The following RIGI variants were observed in gnomAD, a reference collection of about 807,000 sequenced individuals.
RIGI encodes the protein antiviral innate immune response receptor RIG-I.
chr9:32,465,202 A>G, the RIGI span, among the ~76,000 whole-genome samples: 1 of 152,246 alleles, frequency 6.6e-6, no homozygotes, highest in African/African-American at 2.4e-5. Flanking sequence ...TTTCCCTGCA[A>G]TTCTTCTCAC....
At chr9:32,494,048 A>C in the RIGI span, 2 of 866,966 alleles carry the variant, frequency 2.3e-6, no homozygotes. Context: ...TAGAATTCAA[A>C]AAATATCTGT....
the RIGI span, among the ~76,000 whole-genome samples, chr9:32,470,951 T>A: frequency 6.6e-6 from 1 of 152,224 alleles, no homozygotes; most frequent in Non-Finnish European, 1.5e-5. Flanking sequence ...ACCTCAGGGT[T>A]AACAGAATTT....
the RIGI span, among the ~76,000 whole-genome samples, chr9:32,512,693 C>G: frequency 1.3e-5 from 2 of 152,170 alleles, no homozygotes; most frequent in Non-Finnish European, 2.9e-5. Context: ...CACTCCTATT[C>G]AACATACTGT....
At chr9:32,524,167 C>G in the RIGI span, among the ~76,000 whole-genome samples, 1 of 152,130 alleles carries the variant, frequency 6.6e-6, no homozygotes, top group Admixed American at 6.5e-5. Flanking sequence ...CCTGCATTCA[C>G]ATAGACACAC....
At chr9:32,487,345 T>C in the RIGI span, 1 of 949,440 alleles carries the variant, frequency 1.1e-6, no homozygotes, top group Admixed American at 2.6e-5. Context: ...GTTACTCAAG[T>C]TCAAGGTTAA....
the RIGI span, among the ~76,000 whole-genome samples, chr9:32,475,938 T>C: frequency 0.016 from 2,426 of 152,212 alleles, 81 homozygotes; most frequent in African/African-American, 0.056. Flanking sequence ...AGGACTTTTT[T>C]GTCAGACTAT....
the RIGI span, chr9:32,457,493 A>AAAG: frequency 6.2e-4 from 719 of 1,159,248 alleles, 1 homozygote; most frequent in Middle Eastern, 1.4e-3. Context: ...TAAAAAAAAA[A>AAAG]AAAAGAAAAC....
At chr9:32,467,308 T>C in the RIGI span, among the ~76,000 whole-genome samples, 1 of 152,196 alleles carries the variant, frequency 6.6e-6, no homozygotes, top group East Asian at 1.9e-4. Flanking sequence ...CGAGCTGTTT[T>C]TCAGGAAAAG....
chr9:32,504,856 A>G, the RIGI span, among the ~76,000 whole-genome samples: 18 of 137,374 alleles, frequency 1.3e-4, no homozygotes, highest in African/African-American at 4.8e-4. Flanking sequence ...TTTAATACAT[A>G]AAATATATAA....
chr9:32,473,853 G>T, the RIGI span, among the ~76,000 whole-genome samples: 1 of 151,978 alleles, frequency 6.6e-6, no homozygotes, highest in Non-Finnish European at 1.5e-5. Context: ...CATGGCAAAA[G>T]CCTGTCTCTA....
At chr9:32,487,628 A>G in the RIGI span, 2 of 1,614,014 alleles carry the variant, frequency 1.2e-6, no homozygotes, top group East Asian at 2.2e-5. Flanking sequence ...CAGTCAGCCC[A>G]ATGACCTGTA....
chr9:32,510,031 T>C, the RIGI span, among the ~76,000 whole-genome samples: 1 of 151,174 alleles, frequency 6.6e-6, no homozygotes, highest in Non-Finnish European at 1.5e-5. Flanking sequence ...GAAGACAAGA[T>C]TAGAGAAAAA....
the RIGI span, chr9:32,492,254 A>T: frequency 1.1e-6 from 1 of 944,974 alleles, no homozygotes; most frequent in Non-Finnish European, 1.6e-6. Context: ...CCCTCCCAGA[A>T]TCCAGCTTCC....
the RIGI span, among the ~76,000 whole-genome samples, chr9:32,457,901 CAA>C: frequency 6.6e-6 from 1 of 152,118 alleles, no homozygotes; most frequent in East Asian, 1.9e-4. Flanking sequence ...AGCTCAGAAA[CAA>C]ATGCAGATCC....
chr9:32,467,768 T>C, the RIGI span: 1 of 1,579,184 alleles, frequency 6.3e-7, no homozygotes, highest in Non-Finnish European at 8.7e-7. Flanking sequence ...TTACCTCTGG[T>C]TTGGATCATT....
the RIGI span, among the ~76,000 whole-genome samples, chr9:32,457,752 T>A: frequency 6.6e-6 from 1 of 152,200 alleles, no homozygotes; most frequent in Non-Finnish European, 1.5e-5. Flanking sequence ...TGAAAATTTG[T>A]GAAGCTGAAG....
chr9:32,522,161 C>CTAATGTGGGACTGAAA, the RIGI span, among the ~76,000 whole-genome samples: 208 of 152,250 alleles, frequency 1.4e-3, 1 homozygote, highest in Middle Eastern at 3.4e-3. Context: ...ATGGACTGAA[C>CTAATGTGGGACTGAAA]TAATGTGGGA....
chr9:32,504,570 C>T, the RIGI span, among the ~76,000 whole-genome samples: 7 of 151,448 alleles, frequency 4.6e-5, no homozygotes, highest in African/African-American at 9.7e-5. Flanking sequence ...CCCAGCTACT[C>T]GGGAGGCTGA....
chr9:32,501,059 A>T, the RIGI span: 1 of 1,245,622 alleles, frequency 8.0e-7, no homozygotes, highest in Non-Finnish European at 1.1e-6. Flanking sequence ...AAGTCACAGC[A>T]TTGGAAGAAT....
Sources: gnomAD v4.1 joint callset for allele counts (sites outside exome capture counted in the v4.1 genomes callset) on GRCh38, gnomAD v4.1.1 for gene constraint, MANE v1.5 for transcripts, NCBI Gene and HGNC (gene_info 2026-07-23, HGNC 2026-07-21) for gene names.